RNF150: variants seen among roughly 807,000 people sequenced by gnomAD.
RNF150 encodes the protein ring finger protein 150.
RNF150 carries 24 observed loss-of-function variants against 39.3 expected under a neutral mutation model. The ratio of observed to expected loss-of-function variants is 0.61; its 90% CI spans 0.44 to 0.86. The LOEUF (loss-of-function observed/expected upper bound fraction) is 0.86. Ranked by LOEUF, RNF150 falls within the 40% of genes least tolerant of loss-of-function variation. The pLI is 0.00. For missense variants in RNF150, 502 were observed against 587.8 expected, an observed-to-expected ratio of 0.85 and a Z score of 1.51; for synonymous variants, 255 against 227.3, an observed-to-expected ratio of 1.12 and a Z score of -1.10.
rs1028891369 is a variant in RNF150 at position 140,862,266 on chromosome 4, C to T, written c.*5995G>A. 1 of 152,152 alleles carries T rather than the reference C, an allele frequency of 6.6e-6. No homozygotes were observed. Among genetic ancestry groups the T allele is most frequent in the African/African-American group, 2.4e-5 (1 of 41,434 alleles). The allele number at this position is 152,152 out of a possible 1,614,324, so 9.4% of individuals were successfully genotyped here. On this transcript the variant is annotated 3_prime_UTR_variant, in exon 7 of 7. Coordinates refer to ENST00000515673, the MANE Select transcript of RNF150 (RefSeq NM_020724.2). The stretch of plus-strand genomic sequence containing the variant: ...ATAGACGTGTATATTTTTGTCTTAT[C>T]ATCAGCAAATATTTATCAGGTGGCC...
chr4:140,953,524 T>A (rs1391774674), intron 2 of RNF150, among the ~76,000 whole-genome samples: 3 of 98 alleles, frequency 0.031, no homozygotes, highest in Non-Finnish European at 0.083. Context: ...AATAAAAGAT[T>A]TTTTTTTTTT....
chr4:140,922,182 C>T (rs953965897), intron 5 of RNF150, among the ~76,000 whole-genome samples: 92 of 151,462 alleles, frequency 6.1e-4, no homozygotes, highest in African/African-American at 2.2e-3. Context: ...TCAAATTGTC[C>T]CTGTTTGCAG....
At chr4:141,036,342 C>T (rs372279222) in intron 1 of RNF150, among the ~76,000 whole-genome samples, 9 of 152,108 alleles carry the variant, frequency 5.9e-5, no homozygotes, top group African/African-American at 2.2e-4. Context: ...TCACAATTCC[C>T]CTCCAATGCT....
At position 140,921,431 on chromosome 4, in the gene RNF150, C is replaced by T. The variant is rs948112840; in HGVS notation, c.987+4546G>A. Among the ~76,000 whole-genome samples, 12 of 152,262 alleles carry T rather than the reference C, an allele frequency of 7.9e-5. 1 individual carries two copies. The highest frequency in any genetic ancestry group is 2.4e-4 in the African/African-American group (10 of 41,558). On this transcript the variant is annotated intron_variant, in intron 5 of 6. Transcript: ENST00000515673. ...AGACTAAAGCAGGAAGAAGTTGAAT[C>T]TCTGAATAGACCAATAACAGCATCT...
At chr4:141,197,719 C>G (rs563577401) in intron 1 of RNF150, among the ~76,000 whole-genome samples, 1 of 151,636 alleles carries the variant, frequency 6.6e-6, no homozygotes, top group African/African-American at 2.4e-5. Context: ...TCTACTAAAA[C>G]TACAAAAAAT....
chr4:141,017,384 A>G (rs1253900721), intron 1 of RNF150, among the ~76,000 whole-genome samples: 1 of 152,104 alleles, frequency 6.6e-6, no homozygotes, highest in East Asian at 1.9e-4. Context: ...GGAAAGAGAG[A>G]GTTCCCACAT....
intron 6 of RNF150, among the ~76,000 whole-genome samples, chr4:140,879,460 TC>T (rs761535465): frequency 1.3e-3 from 191 of 152,356 alleles, no homozygotes; most frequent in Non-Finnish European, 2.4e-3. Context: ...TTAAGTTTAT[TC>T]CTAAGTATTT....
At chr4:141,030,188 C>T (rs559136197) in intron 1 of RNF150, among the ~76,000 whole-genome samples, 92 of 149,104 alleles carry the variant, frequency 6.2e-4, no homozygotes, top group Middle Eastern at 3.4e-3. Context: ...AGTGAGACTC[C>T]GTCTAAAAAA....
intron 1 of RNF150, chr4:140,997,160 T>C (rs188203093): frequency 1.3e-5 from 2 of 152,308 alleles, no homozygotes; most frequent in South Asian, 2.1e-4. Flanking sequence ...TATACACATA[T>C]GTGAAATAAT....
chr4:141,141,618 T>C (rs1727118897), intron 1 of RNF150, among the ~76,000 whole-genome samples: 1 of 152,156 alleles, frequency 6.6e-6, no homozygotes, highest in South Asian at 2.1e-4. Flanking sequence ...CTGCCAAACA[T>C]GGCACATCCC....
At chr4:141,004,414 C>A (rs929767689) in intron 1 of RNF150, among the ~76,000 whole-genome samples, 1 of 152,104 alleles carries the variant, frequency 6.6e-6, no homozygotes, top group African/African-American at 2.4e-5. Context: ...TAGGAGATTT[C>A]TCAGCAGAGA....
chr4:141,048,575 A>C (rs143720537), intron 1 of RNF150, among the ~76,000 whole-genome samples: 1,556 of 152,228 alleles, frequency 0.01, 32 homozygotes, highest in African/African-American at 0.035. Flanking sequence ...TAGAGAAAAA[A>C]TTTAAAAATT....
chr4:141,146,416 A>C (rs568508639), intron 1 of RNF150, among the ~76,000 whole-genome samples: 2 of 152,338 alleles, frequency 1.3e-5, no homozygotes, highest in East Asian at 1.9e-4. Context: ...AAATAACTTT[A>C]ATTGCATTCT....
intron 1 of RNF150, among the ~76,000 whole-genome samples, chr4:141,091,377 T>TA (rs1291022122): frequency 6.6e-6 from 1 of 152,048 alleles, no homozygotes; most frequent in Non-Finnish European, 1.5e-5. Context: ...TTCTTTACGT[T>TA]AAAAAAAATC....
At chr4:141,163,657 C>T (rs1386599037) in intron 1 of RNF150, among the ~76,000 whole-genome samples, 3 of 152,200 alleles carry the variant, frequency 2.0e-5, no homozygotes, top group Admixed American at 1.3e-4. Flanking sequence ...GATACCCAGG[C>T]AAGCATGGTC....
intron 1 of RNF150, among the ~76,000 whole-genome samples, chr4:141,034,238 G>T (rs1736059016): frequency 6.6e-6 from 1 of 152,292 alleles, no homozygotes; most frequent in South Asian, 2.1e-4. Flanking sequence ...TGGAGATTGT[G>T]TCTTTCTTTA....
chr4:141,211,431 T>C (rs569689589), intron 1 of RNF150, among the ~76,000 whole-genome samples: 1 of 152,308 alleles, frequency 6.6e-6, no homozygotes, highest in Non-Finnish European at 1.5e-5. Flanking sequence ...ATAATTATTA[T>C]CTGATAGTAG....
intron 6 of RNF150, among the ~76,000 whole-genome samples, chr4:140,881,484 C>T (rs145136268): frequency 6.6e-6 from 1 of 152,166 alleles, no homozygotes; most frequent in African/African-American, 2.4e-5. Flanking sequence ...TCTTTTGTTG[C>T]CTCCCATAAG....
chr4:140,896,789 G>A (rs1017663486), intron 6 of RNF150, among the ~76,000 whole-genome samples: 75 of 150,138 alleles, frequency 5.0e-4, no homozygotes, highest in Non-Finnish European at 9.9e-4. Flanking sequence ...GATGATTCTA[G>A]AATTACGGCT....
Sources: allele counts gnomAD v4.1 joint callset (sites outside exome capture counted in the v4.1 genomes callset), GRCh38; gene constraint gnomAD v4.1.1; transcripts MANE v1.5; gene names NCBI Gene and HGNC (gene_info 2026-07-23, HGNC 2026-07-21).